NUP210L: variants seen among roughly 807,000 people sequenced by gnomAD.
NUP210L encodes the protein nucleoporin 210 like.
Under a neutral mutation model 208.5 loss-of-function variants are expected in NUP210L, and 74 were observed. The observed-to-expected ratio is 0.35, with a 90% CI of 0.29 to 0.43. The LOEUF (loss-of-function observed/expected upper bound fraction) is 0.43, where lower values mean the gene tolerates loss of function less well. Ranked by LOEUF, NUP210L falls within the 20% of genes least tolerant of loss-of-function variation. NUP210L has a pLI of 1.00. For synonymous variants in NUP210L, 780 were observed against 816.9 expected (o/e 0.95, Z 0.77); for missense variants, 1,843 against 2,289.4 (o/e 0.81, Z 3.98).
chr1:154,124,632 G>T (rs12405309), intron 10 of NUP210L, among the ~76,000 whole-genome samples: 47,750 of 152,096 alleles, frequency 0.31, 8,208 homozygotes, highest in Admixed American at 0.45. Context: ...ATTGGCATAT[G>T]AAACCTTTGG....
intron 27 of NUP210L, among the ~76,000 whole-genome samples, chr1:154,045,355 G>A (rs1308046622): frequency 1.3e-5 from 2 of 152,010 alleles, no homozygotes; most frequent in Non-Finnish European, 2.9e-5. Context: ...AATCAAATGT[G>A]TGTCTGAACA....
chr1:154,070,526 A>G, intron 16 of NUP210L, 61 bp from the exon 17 acceptor site: 1 of 1,113,396 alleles, frequency 9.0e-7, no homozygotes, highest in Non-Finnish European at 1.2e-6. Flanking sequence ...AAGGGGTAGT[A>G]AGATATCTCT....
intron 23 of NUP210L, among the ~76,000 whole-genome samples, chr1:154,055,138 T>TCTTTTCTCTTC (rs1325433360): frequency 1.2e-5 from 1 of 85,846 alleles, no homozygotes; most frequent in African/African-American, 5.8e-5. Flanking sequence ...TTTCTTTCTT[T>TCTTTTCTCTTC]CTTTCTTTCT....
At chr1:154,095,495 T>C (rs1346790571) in intron 14 of NUP210L, among the ~76,000 whole-genome samples, 2 of 152,238 alleles carry the variant, frequency 1.3e-5, no homozygotes, top group Non-Finnish European at 2.9e-5. Flanking sequence ...TGTCAAATGC[T>C]ATGTATAAAT....
chr1:154,061,007 G>A, exon 19 of NUP210L: 2 of 1,613,598 alleles, frequency 1.2e-6, no homozygotes, highest in Non-Finnish European at 1.7e-6. Flanking sequence ...TCTACCAGGA[G>A]CAGTTCCACA....
At chr1:154,112,523 T>A (rs1454976702) in intron 12 of NUP210L, among the ~76,000 whole-genome samples, 1 of 152,190 alleles carries the variant, frequency 6.6e-6, no homozygotes, top group Non-Finnish European at 1.5e-5. Flanking sequence ...GTGACTATTA[T>A]GCATTGTATG....
chr1:154,001,704 T>A (rs1650222704), intron 36 of NUP210L, 31 bp downstream of exon 36: 2 of 1,604,762 alleles, frequency 1.2e-6, no homozygotes, highest in Non-Finnish European at 1.7e-6. Context: ...TCCTGATCTC[T>A]TGTTCTGTTT....
Position 154,126,352 on chromosome 1 carries a change from T to TAA in NUP210L, c.1296_1297insTT (p.Asn433LeufsTer5). Reference sequence around the variant, plus strand: ...TAAATGATGGAGGTCAGGGATGCATTTATTACCACAACACCATCTTTCAGG... The same window carrying TAA: ...TAAATGATGGAGGTCAGGGATGCATTAATATTACCACAACACCATCTTTCAGG... On this transcript the variant is annotated frameshift_variant, in exon 10 of 40. Coordinates refer to ENST00000368559, the Ensembl canonical transcript of NUP210L. LOFTEE classifies it high-confidence loss of function. The TAA allele has an allele frequency of 6.2e-7, 1 of 1,613,304 alleles. No homozygotes were observed. Among genetic ancestry groups the TAA allele is most frequent in the Non-Finnish European group, 8.5e-7 (1 of 1,179,684 alleles).
chr1:154,112,523 T>C (rs1454976702), intron 12 of NUP210L, among the ~76,000 whole-genome samples: 1 of 152,190 alleles, frequency 6.6e-6, no homozygotes, highest in Non-Finnish European at 1.5e-5. Flanking sequence ...GTGACTATTA[T>C]GCATTGTATG....
chr1:154,121,321 T>C (rs1657605305), intron 10 of NUP210L, among the ~76,000 whole-genome samples: 1 of 152,150 alleles, frequency 6.6e-6, no homozygotes, highest in Non-Finnish European at 1.5e-5. Flanking sequence ...GGAAACAGGT[T>C]CATTAAATCA....
Position 154,061,048 on chromosome 1 carries a change from T to G in NUP210L, c.2644-2A>C. On this transcript the variant is annotated splice_acceptor_variant, in intron 18 of 39. Coordinates refer to ENST00000368559, the Ensembl canonical transcript of NUP210L. LOFTEE classifies it high-confidence loss of function. The stretch of plus-strand genomic sequence containing the variant: ...AGATCTGGGCAAGTTGGAAATTTCC[T>G]AGAAATATAATAAGAACCACAAAAG... The G allele has an allele frequency of 1.3e-6, 2 of 1,594,126 alleles. No homozygotes were observed. Among genetic ancestry groups the G allele is most frequent in the Non-Finnish European group, 1.7e-6 (2 of 1,162,440 alleles).
At chr1:153,995,176 G>A (rs752882066) in exon 38 of NUP210L, 3 of 1,609,384 alleles carry the variant, frequency 1.9e-6, no homozygotes, top group African/African-American at 1.3e-5. Flanking sequence ...AATCTTCACA[G>A]TGATCTATAC....
chr1:154,009,834 C>G, intron 35 of NUP210L, 138 bp downstream of exon 35: 1 of 543,310 alleles, frequency 1.8e-6, no homozygotes, highest in Non-Finnish European at 2.8e-6. Context: ...ACGGGTTGAA[C>G]AAAAATGTTG....
chr1:154,001,313 T>C (rs1027472579), intron 36 of NUP210L, among the ~76,000 whole-genome samples: 2 of 152,122 alleles, frequency 1.3e-5, no homozygotes, highest in Non-Finnish European at 2.9e-5. Context: ...TTTTCCTGCC[T>C]CAGCCTCCCG....
chr1:154,006,966 A>ATATATATATATAT (rs1211789619), intron 35 of NUP210L, among the ~76,000 whole-genome samples: 10 of 115,786 alleles, frequency 8.6e-5, no homozygotes, highest in South Asian at 8.5e-4. Context: ...ATATATATAT[A>ATATATATATATAT]TTTTTTTTTT....
intron 27 of NUP210L, among the ~76,000 whole-genome samples, chr1:154,038,819 C>A (rs956782509): frequency 6.6e-6 from 1 of 152,138 alleles, no homozygotes; most frequent in African/African-American, 2.4e-5. Flanking sequence ...ATCTTATAAC[C>A]TGTTACTTTA....
At position 154,113,167 on chromosome 1, in the gene NUP210L, A is replaced by ATGT. The variant is rs35579455; in HGVS notation, c.1620+4557_1620+4558insACA. ...AGAGAAACCCTCTCTTAAAAAAAAA[A>ATGT]ATATATATATATATATAAAATTTAA... On this transcript the variant is annotated intron_variant, in intron 12 of 39. Coordinates refer to ENST00000368559, the Ensembl canonical transcript of NUP210L. Among the ~76,000 whole-genome samples the ATGT allele has an allele frequency of 9.0e-5, 13 of 144,540 alleles. No homozygotes were observed. The East Asian group carries it at 2.6e-3, about 29-fold the overall frequency. The allele number at this position is 144,540 out of a possible 152,430, so 94.8% of individuals were successfully genotyped here.
At chr1:154,150,973 T>C (rs1659352412) in intron 2 of NUP210L, among the ~76,000 whole-genome samples, 1 of 152,100 alleles carries the variant, frequency 6.6e-6, no homozygotes, top group South Asian at 2.1e-4. Context: ...ATCTCATCTA[T>C]GTACACAATT....
chr1:154,022,988 A>T lies in NUP210L; in HGVS notation c.4298+134T>A, dbSNP rs571904351. 428 of 954,738 alleles carry T rather than the reference A, an allele frequency of 4.5e-4. 1 individual carries two copies. Among genetic ancestry groups the T allele is most frequent in the African/African-American group, 4.3e-3 (255 of 58,744 alleles). The allele number at this position is 954,738 out of a possible 1,614,324, so 59.1% of individuals were successfully genotyped here. A position where few individuals can be genotyped will look rare whatever the true frequency, so the allele number is the denominator to read the frequency against. ...CACCCACCTGGCCTCACTTAAAAAA[A>T]TTTTTTTTAACAAAAGAAAGATCAA... On this transcript the variant is annotated intron_variant, in intron 31 of 39. Coordinates refer to ENST00000368559, the Ensembl canonical transcript of NUP210L.
Sources: gnomAD v4.1 joint callset for allele counts (sites outside exome capture counted in the v4.1 genomes callset) on GRCh38, gnomAD v4.1.1 for gene constraint, MANE v1.5 for transcripts, NCBI Gene and HGNC (gene_info 2026-07-23, HGNC 2026-07-21) for gene names.